Variants in KCNIP4 observed in about 807,000 individuals in gnomAD.
KCNIP4 encodes potassium voltage-gated channel interacting protein 4.
KCNIP4 carries 12 observed loss-of-function variants against 34.0 expected under a neutral mutation model. That is an observed-to-expected ratio of 0.35 (90% confidence interval 0.23 to 0.57). The LOEUF (loss-of-function observed/expected upper bound fraction) is 0.57, where lower values mean the gene tolerates loss of function less well. Among genes scored for constraint, KCNIP4 ranks in the 20% least tolerant of loss-of-function variants. The pLI is 0.83. For missense variants in KCNIP4, 238 were observed against 311.7 expected (o/e 0.76, Z 1.78); for synonymous variants, 124 against 102.2 (o/e 1.21, Z -1.29).
chr4:21,375,931 C>T (rs1440903594), intron 1 of KCNIP4, among the ~76,000 whole-genome samples: 1 of 152,078 alleles, frequency 6.6e-6, no homozygotes, highest in East Asian at 1.9e-4. Flanking sequence ...CAAAAAGGTA[C>T]CTTTCAAGGC....
chr4:21,735,488 G>A (rs1715922337), intron 1 of KCNIP4, among the ~76,000 whole-genome samples: 1 of 152,108 alleles, frequency 6.6e-6, no homozygotes. Flanking sequence ...GCCAAATAAT[G>A]GAGTGCTGCT....
intron 1 of KCNIP4, among the ~76,000 whole-genome samples, chr4:21,147,959 AAG>A (rs1354355772): frequency 7.0e-6 from 1 of 142,972 alleles, no homozygotes; most frequent in Non-Finnish European, 1.5e-5. Flanking sequence ...AAAAAAAAAA[AAG>A]AAAAAAAGTT....
chr4:20,769,179 G>A (rs974062453), intron 3 of KCNIP4, among the ~76,000 whole-genome samples: 2 of 151,616 alleles, frequency 1.3e-5, no homozygotes, highest in Non-Finnish European at 2.9e-5. Context: ...GGAAACAATA[G>A]CATCTTATAG....
At chr4:21,286,709 T>A (rs1425487601) in intron 1 of KCNIP4, among the ~76,000 whole-genome samples, 1 of 152,128 alleles carries the variant, frequency 6.6e-6, no homozygotes, top group Non-Finnish European at 1.5e-5. Context: ...TTTTCACAAG[T>A]TTTTCAGGAT....
chr4:21,103,222 C>A (rs1163790674), intron 1 of KCNIP4, among the ~76,000 whole-genome samples: 1 of 150,446 alleles, frequency 6.6e-6, no homozygotes, highest in Non-Finnish European at 1.5e-5. Context: ...CTCTGAGATT[C>A]AGTTTCTTGA....
intron 1 of KCNIP4, among the ~76,000 whole-genome samples, chr4:21,570,029 T>C (rs1740244157): frequency 6.6e-6 from 1 of 152,044 alleles, no homozygotes; most frequent in Non-Finnish European, 1.5e-5. Flanking sequence ...TCAAGGAAGT[T>C]GGAGGCTGAA....
chr4:21,070,711 T>C (rs1744826943), intron 1 of KCNIP4, among the ~76,000 whole-genome samples: 1 of 142,614 alleles, frequency 7.0e-6, no homozygotes, highest in Non-Finnish European at 1.5e-5. Context: ...AGTCTTGCTC[T>C]GTCTCCCAGG....
intron 1 of KCNIP4, among the ~76,000 whole-genome samples, chr4:20,951,982 T>C (rs1206061134): frequency 2.6e-5 from 4 of 152,230 alleles, no homozygotes; most frequent in African/African-American, 7.2e-5. Flanking sequence ...CTTTGCTTAC[T>C]GCTACACCTC....
chr4:21,403,008 C>T (rs1289789138), intron 1 of KCNIP4, among the ~76,000 whole-genome samples: 1 of 152,194 alleles, frequency 6.6e-6, no homozygotes, highest in Non-Finnish European at 1.5e-5. Flanking sequence ...TCCAGTGAGA[C>T]TGTGGTCTAC....
At chr4:20,804,162 A>G (rs1039245004) in intron 3 of KCNIP4, among the ~76,000 whole-genome samples, 3 of 152,200 alleles carry the variant, frequency 2.0e-5, no homozygotes, top group Non-Finnish European at 4.4e-5. Context: ...TCCATGCTTT[A>G]TCTCTCATTT....
Position 21,056,679 on chromosome 4 carries a change from G to C in KCNIP4, c.62-173970C>G, listed in dbSNP as rs188029178. Among the ~76,000 whole-genome samples the C allele has an allele frequency of 2.5e-3, 378 of 152,242 alleles. 1 individual carries two copies. Among genetic ancestry groups the C allele is most frequent in the African/African-American group, 8.9e-3 (368 of 41,560 alleles). On this transcript the variant is annotated intron_variant, in intron 1 of 8. Coordinates refer to ENST00000382152, the MANE Select transcript of KCNIP4 (RefSeq NM_025221.6). Reference sequence around the variant, plus strand: ...CCGTAAGTGTACTTCTAATACACAAGATCAATCAAGAAGGCTATTATAAAC... The same window carrying C: ...CCGTAAGTGTACTTCTAATACACAACATCAATCAAGAAGGCTATTATAAAC...
At chr4:20,796,176 G>A (rs538269764) in intron 3 of KCNIP4, among the ~76,000 whole-genome samples, 11 of 152,176 alleles carry the variant, frequency 7.2e-5, no homozygotes, top group Admixed American at 1.3e-4. Flanking sequence ...TTTCTTAGTC[G>A]AAATCTAACT....
chr4:21,686,403 A>T (rs987985736), intron 1 of KCNIP4, among the ~76,000 whole-genome samples: 1 of 152,170 alleles, frequency 6.6e-6, no homozygotes, highest in African/African-American at 2.4e-5. Flanking sequence ...CCGTATTTGA[A>T]GATGGGAAGA....
chr4:21,074,782 T>C (rs945736327), intron 1 of KCNIP4, among the ~76,000 whole-genome samples: 19 of 152,342 alleles, frequency 1.2e-4, no homozygotes, highest in African/African-American at 4.3e-4. Context: ...TTTAGTGCTA[T>C]AAATTTCCCT....
intron 1 of KCNIP4, among the ~76,000 whole-genome samples, chr4:21,059,897 C>T (rs1489696016): frequency 6.6e-6 from 1 of 151,864 alleles, no homozygotes; most frequent in Admixed American, 6.6e-5. Flanking sequence ...TGAAACCTGG[C>T]CCTTGTCTTA....
intron 1 of KCNIP4, among the ~76,000 whole-genome samples, chr4:21,191,249 G>C (rs1471984962): frequency 6.6e-6 from 1 of 152,172 alleles, no homozygotes; most frequent in Non-Finnish European, 1.5e-5. Context: ...TTGTGTATTT[G>C]ATAGCAAAGG....
chr4:21,607,583 T>G (rs541979127), intron 1 of KCNIP4, among the ~76,000 whole-genome samples: 7 of 151,790 alleles, frequency 4.6e-5, no homozygotes, highest in African/African-American at 1.7e-4. Context: ...GATCCCGGGA[T>G]CTCCCCAGCC....
rs146585448 is a variant in KCNIP4 at position 21,733,416 on chromosome 4, C to T, written c.61+215155G>A. Among the ~76,000 whole-genome samples, 266 of 152,196 alleles carry T rather than the reference C, an allele frequency of 1.7e-3. 1 individual carries two copies. The highest frequency in any genetic ancestry group is 5.2e-3 in the African/African-American group (217 of 41,506). On this transcript the variant is annotated intron_variant, in intron 1 of 8. Transcript: ENST00000382152. ...GAAGAATATGTTGTCTACAGAGTTT[C>T]GCAAACTTGTATACAGATACACACA...
At chr4:21,837,009 C>A (rs973359244) in intron 1 of KCNIP4, among the ~76,000 whole-genome samples, 1 of 150,652 alleles carries the variant, frequency 6.6e-6, no homozygotes, top group African/African-American at 2.4e-5. Flanking sequence ...GCTCTGCCTC[C>A]CGGATTCACT....
Sources: gnomAD v4.1 joint callset for allele counts (sites outside exome capture counted in the v4.1 genomes callset) on GRCh38, gnomAD v4.1.1 for gene constraint, MANE v1.5 for transcripts, NCBI Gene and HGNC (gene_info 2026-07-23, HGNC 2026-07-21) for gene names.